RBFOX1: variants seen among roughly 807,000 people sequenced by gnomAD.
RBFOX1 encodes RNA binding fox-1 homolog 1.
Under a neutral mutation model 57.7 loss-of-function variants are expected in RBFOX1, and 8 were observed. The ratio of observed to expected loss-of-function variants is 0.14; its 90% CI spans 0.08 to 0.25. The LOEUF is 0.25. Among genes scored for constraint, RBFOX1 ranks in the 10% least tolerant of loss-of-function variants. The probability of loss-of-function intolerance (pLI) is 1.00; values close to 1 mark genes in which losing one functional copy is unlikely to be tolerated. For missense variants in RBFOX1, 611 were observed against 548.5 expected (o/e 1.11, Z -1.14); for synonymous variants, 326 against 222.4 (o/e 1.47, Z -4.15).
chr16:6,887,396 G>C (rs915676447), intron 3 of RBFOX1, among the ~76,000 whole-genome samples: 1 of 152,114 alleles, frequency 6.6e-6, no homozygotes, highest in African/African-American at 2.4e-5. Flanking sequence ...GTGATTTCAA[G>C]AAGCCGAAAG....
intron 4 of RBFOX1, among the ~76,000 whole-genome samples, chr16:7,065,710 G>T (rs1320390572): frequency 2.0e-5 from 3 of 152,082 alleles, no homozygotes. Flanking sequence ...AATACGCTGT[G>T]ATTACCTGTA....
chr16:7,648,327 C>T lies in RBFOX1; in HGVS notation c.758-5488C>T, dbSNP rs568005478. On this transcript the variant is annotated intron_variant, in intron 11 of 15. Coordinates refer to ENST00000550418, the MANE Select transcript of RBFOX1 (RefSeq NM_018723.4). The stretch of plus-strand genomic sequence containing the variant: ...CTCCTCTACCTCTCCTGGGTTCAAG[C>T]GATTCTCCTGCCTCAGCCTCCCAAG... Among the ~76,000 whole-genome samples, 18 of 152,180 alleles carry T rather than the reference C, an allele frequency of 1.2e-4. No individual in the cohort carries two copies. In the East Asian group the frequency reaches 3.5e-3, roughly 29 times the overall value.
intron 2 of RBFOX1, among the ~76,000 whole-genome samples, chr16:6,568,851 C>T (rs557613379): frequency 6.6e-6 from 1 of 152,114 alleles, no homozygotes; most frequent in East Asian, 1.9e-4. Context: ...TCACTGCAAC[C>T]TCCGCCTCCT....
intron 1 of RBFOX1, among the ~76,000 whole-genome samples, chr16:5,451,434 C>T (rs4786686): frequency 0.39 from 59,679 of 151,962 alleles, 12,583 homozygotes; most frequent in East Asian, 0.57. Context: ...AGCAATTAGT[C>T]TGCATTGAAA....
chr16:6,998,942 C>G (rs866981776), intron 3 of RBFOX1, among the ~76,000 whole-genome samples: 12 of 150,990 alleles, frequency 7.9e-5, no homozygotes, highest in African/African-American at 2.7e-4. Context: ...GATCTAGGCT[C>G]ACTGTAACCT....
intron 2 of RBFOX1, among the ~76,000 whole-genome samples, chr16:5,469,970 T>G (rs73528620): frequency 0.031 from 4,714 of 152,292 alleles, 269 homozygotes; most frequent in African/African-American, 0.11. Flanking sequence ...TTTGTGCCCA[T>G]GTACTTGTCT....
At chr16:5,518,229 A>G (rs1272757822) in intron 2 of RBFOX1, among the ~76,000 whole-genome samples, 1 of 152,140 alleles carries the variant, frequency 6.6e-6, no homozygotes, top group Non-Finnish European at 1.5e-5. Context: ...AAACTAAATC[A>G]CTTCTCATAA....
chr16:5,739,555 CT>C (rs367673913), intron 3 of RBFOX1, among the ~76,000 whole-genome samples: 1 of 152,312 alleles, frequency 6.6e-6, no homozygotes, highest in African/African-American at 2.4e-5. Flanking sequence ...CTTTATTCCC[CT>C]GATAGCTATA....
intron 1 of RBFOX1, among the ~76,000 whole-genome samples, chr16:5,263,992 A>G (rs540089759): frequency 8.5e-5 from 13 of 152,266 alleles, no homozygotes; most frequent in African/African-American, 3.1e-4. Context: ...CAAGTCATCA[A>G]TGGGGTATGG....
intron 11 of RBFOX1, among the ~76,000 whole-genome samples, chr16:7,638,295 C>G (rs112529048): frequency 6.6e-6 from 1 of 152,170 alleles, no homozygotes; most frequent in East Asian, 1.9e-4. Flanking sequence ...ATTAATTATG[C>G]TACCTTTTCT....
intron 3 of RBFOX1, among the ~76,000 whole-genome samples, chr16:6,692,024 C>G (rs61339274): frequency 9.8e-5 from 15 of 152,288 alleles, no homozygotes; most frequent in African/African-American, 3.4e-4. Flanking sequence ...ACAGCCCTGC[C>G]TGTTGACACC....
intron 1 of RBFOX1, among the ~76,000 whole-genome samples, chr16:6,229,303 G>A (rs763007746): frequency 9.9e-5 from 15 of 152,204 alleles, no homozygotes; most frequent in Non-Finnish European, 2.1e-4. Context: ...CAGTCTCATC[G>A]TTCTCCTGTG....
intron 4 of RBFOX1, among the ~76,000 whole-genome samples, chr16:7,218,866 C>A (rs779615699): frequency 6.6e-6 from 1 of 152,164 alleles, no homozygotes; most frequent in Middle Eastern, 3.4e-3. Context: ...CTGACTCACC[C>A]CTCCAGCCTC....
intron 2 of RBFOX1, among the ~76,000 whole-genome samples, chr16:6,579,678 C>T (rs898502597): frequency 6.6e-6 from 1 of 152,168 alleles, no homozygotes; most frequent in Non-Finnish European, 1.5e-5. Flanking sequence ...AGTTATACCT[C>T]TTTCCTTTAT....
At chr16:6,452,605 A>G (rs1345624882) in intron 2 of RBFOX1, among the ~76,000 whole-genome samples, 5 of 152,222 alleles carry the variant, frequency 3.3e-5, no homozygotes, top group Admixed American at 1.3e-4. Context: ...AAACTCAACT[A>G]TCTAAGCAAA....
chr16:7,076,668 G>C (rs2058355557), intron 4 of RBFOX1, among the ~76,000 whole-genome samples: 1 of 152,010 alleles, frequency 6.6e-6, no homozygotes, highest in Non-Finnish European at 1.5e-5. Flanking sequence ...ACTAACAAAG[G>C]TTAACAACAC....
chr16:5,373,786 T>G (rs2065917760), intron 1 of RBFOX1, among the ~76,000 whole-genome samples: 1 of 152,086 alleles, frequency 6.6e-6, no homozygotes, highest in African/African-American at 2.4e-5. Context: ...GCACTTTTAA[T>G]AGAGATGGGG....
chr16:7,245,497 C>G (rs1016212575), intron 4 of RBFOX1, among the ~76,000 whole-genome samples: 1 of 152,106 alleles, frequency 6.6e-6, no homozygotes, highest in Non-Finnish European at 1.5e-5. Flanking sequence ...TTCAATTCAC[C>G]ACTGTTGACC....
intron 4 of RBFOX1, among the ~76,000 whole-genome samples, chr16:7,473,922 C>G (rs910295092): frequency 1.3e-5 from 2 of 152,154 alleles, no homozygotes; most frequent in African/African-American, 4.8e-5. Context: ...CCCTCAAGCA[C>G]CTTTTGAACT....
Sources: allele counts gnomAD v4.1 joint callset (sites outside exome capture counted in the v4.1 genomes callset), GRCh38; gene constraint gnomAD v4.1.1; transcripts MANE v1.5; gene names NCBI Gene and HGNC (gene_info 2026-07-23, HGNC 2026-07-21).